The following SORL1 variants were observed in gnomAD, a reference collection of about 807,000 sequenced individuals.
SORL1 encodes the protein sortilin related receptor 1, also known as sortilin-related receptor.
Under a neutral mutation model 273.7 loss-of-function variants are expected in SORL1, and 127 were observed. The ratio of observed to expected loss-of-function variants is 0.46; its 90% confidence interval spans 0.40 to 0.54. The LOEUF is 0.54. Among genes scored for constraint, SORL1 ranks in the 20% least tolerant of loss-of-function variants. The probability of loss-of-function intolerance (pLI) is 0.00; values close to 1 mark genes in which losing one functional copy is unlikely to be tolerated. For missense variants in SORL1, 2,494 were observed against 2,846.1 expected (o/e 0.88, Z 2.81); for synonymous variants, 1,031 against 1,067.4 (o/e 0.97, Z 0.66).
intron 5 of SORL1, among the ~76,000 whole-genome samples, chr11:121,494,369 T>C (rs553050318): frequency 2.4e-4 from 37 of 152,340 alleles, no homozygotes; most frequent in African/African-American, 8.9e-4. Flanking sequence ...TGTTCAACAA[T>C]GCTTGGCGAG....
At chr11:121,533,972 C>T (rs568786485) in intron 12 of SORL1, among the ~76,000 whole-genome samples, 1 of 152,344 alleles carries the variant, frequency 6.6e-6, no homozygotes, top group East Asian at 1.9e-4. Flanking sequence ...CAGTACTTCC[C>T]ACATTTGTGC....
chr11:121,487,300 A>G (rs1391836993), intron 3 of SORL1, among the ~76,000 whole-genome samples: 1 of 152,156 alleles, frequency 6.6e-6, no homozygotes, highest in Non-Finnish European at 1.5e-5. Flanking sequence ...TGCAGCACAC[A>G]TGTGTTAGGT....
At position 121,500,259 on chromosome 11, in the gene SORL1, A is replaced by G. The variant is rs187827841; in HGVS notation, c.939+3210A>G. ...GGGTCAGGGTTAGCTACTCCCCTAC[A>G]ACCTCACAACCTCATAACCTCACTA... On this transcript the variant is annotated intron_variant, in intron 6 of 47. Transcript: ENST00000260197. Among the ~76,000 whole-genome samples the G allele has an allele frequency of 8.5e-5, 13 of 152,342 alleles. No homozygotes were observed. The East Asian group carries it at 2.5e-3, about 29-fold the overall frequency.
In SORL1 at chr11:121,471,582, C is replaced by T. The variant is rs936742624; in HGVS notation, c.402+1459C>T. Among the ~76,000 whole-genome samples the T allele has an allele frequency of 8.2e-4, 125 of 152,282 alleles. 1 individual carries two copies. The highest frequency in any genetic ancestry group is 2.7e-3 in the African/African-American group (114 of 41,558). ...TCACCCTGCATTCTGGCCGGGGGAACCTTCTGATGAATTTGCCAGCACTTT... is the reference window on the plus strand; with the variant it reads ...TCACCCTGCATTCTGGCCGGGGGAATCTTCTGATGAATTTGCCAGCACTTT... On this transcript the variant is annotated intron_variant, in intron 2 of 47. Coordinates refer to ENST00000260197, the MANE Select transcript of SORL1 (RefSeq NM_003105.6).
At chr11:121,520,019 G>A (rs1862015901) in intron 8 of SORL1, among the ~76,000 whole-genome samples, 1 of 152,210 alleles carries the variant, frequency 6.6e-6, no homozygotes, top group Non-Finnish European at 1.5e-5. Context: ...GGGAGGCCAA[G>A]GCAGGTGCAT....
chr11:121,534,036 C>T (rs930732567), intron 12 of SORL1, among the ~76,000 whole-genome samples: 7 of 152,112 alleles, frequency 4.6e-5, no homozygotes, highest in Non-Finnish European at 1.0e-4. Context: ...CACCAAGCAC[C>T]GATTGTGCCA....
intron 24 of SORL1, among the ~76,000 whole-genome samples, chr11:121,576,410 A>G (rs1408747919): frequency 1.3e-5 from 2 of 152,212 alleles, no homozygotes; most frequent in Admixed American, 1.3e-4. Context: ...TCTTAAGGAC[A>G]CTAATCCTAT....
At chr11:121,575,782 A>T (rs939559666) in intron 24 of SORL1, among the ~76,000 whole-genome samples, 20 of 152,304 alleles carry the variant, frequency 1.3e-4, no homozygotes, top group African/African-American at 4.6e-4. Context: ...TGAAATGTGT[A>T]GCTAGTTTTG....
chr11:121,493,197 C>A (rs868009403), intron 5 of SORL1, among the ~76,000 whole-genome samples: 67 of 152,124 alleles, frequency 4.4e-4, no homozygotes, highest in African/African-American at 1.6e-3. Context: ...CCAGGCTGAT[C>A]TCAAACACCT....
chr11:121,622,189 A>G lies in SORL1; in HGVS notation c.6092A>G (p.Lys2031Arg). The G allele has an allele frequency of 6.2e-7, 1 of 1,611,730 alleles. No homozygotes were observed. Among genetic ancestry groups the G allele is most frequent in the South Asian group, 1.1e-5 (1 of 90,970 alleles). Residue 2031 changes from lysine (K) to arginine (R), a missense_variant, in exon 45 of 48, where the codon AAA becomes AGA. Around this residue, in one of 3 missense-constraint regions of SORL1, gnomAD observed 1,609 missense variants for 1,816.4 expected, o/e 0.89. Transcript: ENST00000260197. ...TVSLSAPDALKIITENDHVLL... is the reference protein window; with the variant it reads ...TVSLSAPDALRIITENDHVLL... ...TCATTATCAGCACCTGATGCCTTAA[A>G]AATCATAACAGAAAATGATCATGTT...
At chr11:121,626,837 T>C (rs1018307118) in intron 46 of SORL1, 3 of 152,242 alleles carry the variant, frequency 2.0e-5, no homozygotes, top group African/African-American at 7.2e-5. Flanking sequence ...GGATGGGACG[T>C]GGGGCATGGC....
At chr11:121,504,351 G>A (rs1257124827) in intron 6 of SORL1, among the ~76,000 whole-genome samples, 1 of 152,156 alleles carries the variant, frequency 6.6e-6, no homozygotes, top group Non-Finnish European at 1.5e-5. Context: ...GGTGGAGATT[G>A]CAGTGAGCTG....
At chr11:121,547,623 T>G (rs1862452729) in intron 14 of SORL1, among the ~76,000 whole-genome samples, 1 of 151,776 alleles carries the variant, frequency 6.6e-6, no homozygotes, top group Non-Finnish European at 1.5e-5. Context: ...CTGCCCCTTG[T>G]GGAGTTGGGT....
chr11:121,612,687 G>T (rs764594482), intron 39 of SORL1, 49 bp from the exon 40 acceptor site: 1 of 1,316,924 alleles, frequency 7.6e-7, no homozygotes. Context: ...TGTATTTAGT[G>T]TGCCCCATGA....
intron 12 of SORL1, among the ~76,000 whole-genome samples, chr11:121,538,353 C>A (rs1294571376): frequency 6.6e-6 from 1 of 152,208 alleles, no homozygotes; most frequent in East Asian, 1.9e-4. Context: ...CCCCAAACCC[C>A]TGCCCCAATT....
intron 32 of SORL1, among the ~76,000 whole-genome samples, chr11:121,597,207 G>C (rs551820981): frequency 6.6e-6 from 1 of 152,166 alleles, no homozygotes; most frequent in Non-Finnish European, 1.5e-5. Context: ...AGAGGGAGTC[G>C]GCCGTCCCTT....
In SORL1 at chr11:121,621,121, A is replaced by G; in HGVS notation, c.5947A>G (p.Lys1983Glu). 1.9e-6 allele frequency: 3 copies of G among 1,614,080 alleles called. No individual in the cohort carries two copies. Among genetic ancestry groups the G allele is most frequent in the Non-Finnish European group, 2.5e-6 (3 of 1,179,908 alleles). Residue 1983 changes from lysine (K) to glutamate (E), a missense_variant, in exon 44 of 48, where the codon AAA becomes GAA. By Grantham distance (56) the Lys-to-Glu change is moderately conservative. This residue lies in a region of SORL1 where 1,609 missense variants were observed against 1,816.4 expected (regional missense o/e 0.89). Transcript: ENST00000260197. The part of the protein sequence containing the change: ...IRKTDRSYKV[K>E]SRNSTVEYTL... ...AAAGACTGACAGGAGCTACAAAGTA[A>G]AATCCCGTAACAGCACTGTGGAATA...
intron 46 of SORL1, among the ~76,000 whole-genome samples, chr11:121,625,952 G>C (rs1451729114): frequency 6.6e-6 from 1 of 152,160 alleles, no homozygotes; most frequent in Non-Finnish European, 1.5e-5. Context: ...TTGTGTTAGA[G>C]TTGTTAAATG....
rs1325537810 is a variant in SORL1 at position 121,563,095 on chromosome 11, A to T, written c.3049+3438A>T. ...TTCTATATGTACTATCAATATTTCCATTTTATAGGTGAGAATATGAAAGTC... is the reference window on the plus strand; with the variant it reads ...TTCTATATGTACTATCAATATTTCCTTTTTATAGGTGAGAATATGAAAGTC... On this transcript the variant is annotated intron_variant, in intron 21 of 47. Transcript: ENST00000260197. The surrounding 1 kb of genome is among the most constrained non-coding windows in gnomAD (Gnocchi z 4.2). 6.6e-6 allele frequency among the ~76,000 whole-genome samples: 1 copy of T among 152,128 alleles called. No homozygotes were observed. Among genetic ancestry groups the T allele is most frequent in the East Asian group, 1.9e-4 (1 of 5,190 alleles).
Sources: gnomAD v4.1 joint callset for allele counts (sites outside exome capture counted in the v4.1 genomes callset) on GRCh38, gnomAD v4.1.1 for gene constraint, gnomAD v4.1.1 regional missense constraint, Gnocchi (gnomAD v3.1) non-coding constraint, MANE v1.5 for transcripts, NCBI Gene and HGNC (gene_info 2026-07-23, HGNC 2026-07-21) for gene names.